The following VAT1L variants were observed in gnomAD, a reference collection of about 807,000 sequenced individuals.
VAT1L encodes the protein putative NADPH-dependent quinone oxidoreductase VAT1L.
In VAT1L, 34 loss-of-function variants were observed where a neutral mutation model predicts 44.1. That is an observed-to-expected ratio of 0.77 (90% CI 0.59 to 1.03). The LOEUF (loss-of-function observed/expected upper bound fraction) is 1.03. VAT1L is among the 50% of genes least tolerant of loss of function. The pLI is 0.00. For missense variants in VAT1L, 615 were observed against 538.8 expected (o/e 1.14, Z -1.40); for synonymous variants, 253 against 202.2 (o/e 1.25, Z -2.13).
chr16:77,837,312 A>T (rs950325359), intron 3 of VAT1L, among the ~76,000 whole-genome samples: 1 of 152,226 alleles, frequency 6.6e-6, no homozygotes, highest in Non-Finnish European at 1.5e-5. Context: ...AGCTACCTTG[A>T]TGTTAACTAT....
At chr16:77,955,271 C>G (rs2018089948) in intron 7 of VAT1L, among the ~76,000 whole-genome samples, 1 of 152,132 alleles carries the variant, frequency 6.6e-6, no homozygotes, top group South Asian at 2.1e-4. Context: ...TTGGCAATGC[C>G]TGGAAGCATT....
chr16:77,821,850 G>T (rs2016458406), intron 2 of VAT1L, among the ~76,000 whole-genome samples: 2 of 152,190 alleles, frequency 1.3e-5, no homozygotes. Flanking sequence ...GGTCGTCAGG[G>T]AAAGTTTTGG....
At chr16:77,923,982 A>T (rs1478272367) in intron 7 of VAT1L, among the ~76,000 whole-genome samples, 1 of 151,684 alleles carries the variant, frequency 6.6e-6, no homozygotes, top group Non-Finnish European at 1.5e-5. Context: ...AAGATGAGGA[A>T]ATCTATTTAT....
chr16:77,967,538 A>G (rs1400231352), intron 7 of VAT1L, among the ~76,000 whole-genome samples: 3 of 152,222 alleles, frequency 2.0e-5, no homozygotes, highest in African/African-American at 4.8e-5. Context: ...AGGTCAGGCT[A>G]CTTAAATGGC....
intron 7 of VAT1L, among the ~76,000 whole-genome samples, chr16:77,911,781 G>A (rs2017502195): frequency 6.6e-6 from 1 of 152,186 alleles, no homozygotes; most frequent in Non-Finnish European, 1.5e-5. Context: ...GGACTCCCCA[G>A]GGAGTGGGGT....
chr16:77,924,905 C>G (rs1005959379), intron 7 of VAT1L, among the ~76,000 whole-genome samples: 1 of 152,168 alleles, frequency 6.6e-6, no homozygotes, highest in Admixed American at 6.5e-5. Context: ...AGTCTCTGTA[C>G]CTTTTCATTT....
intron 7 of VAT1L, among the ~76,000 whole-genome samples, chr16:77,955,173 TGGAGCAATG>T (rs1340133685): frequency 6.6e-6 from 1 of 152,204 alleles, no homozygotes; most frequent in Non-Finnish European, 1.5e-5. Context: ...CAAGAGCCCA[TGGAGCAATG>T]GGAGGGGAGA....
At chr16:77,946,404 C>T (rs2017967139) in intron 7 of VAT1L, among the ~76,000 whole-genome samples, 2 of 151,502 alleles carry the variant, frequency 1.3e-5, no homozygotes, top group South Asian at 4.2e-4. Context: ...CTGCCTTAGA[C>T]TCCCGAGTAG....
chr16:77,903,435 G>A (rs1261499456), intron 7 of VAT1L, among the ~76,000 whole-genome samples: 2 of 152,140 alleles, frequency 1.3e-5, no homozygotes. Context: ...CTTAGTTTCT[G>A]AGGGTGAAAA....
At chr16:77,880,902 T>G (rs1322510480) in intron 6 of VAT1L, among the ~76,000 whole-genome samples, 1 of 152,188 alleles carries the variant, frequency 6.6e-6, no homozygotes, top group African/African-American at 2.4e-5. Context: ...TCCAGCTGCA[T>G]CCACGTTGCT....
intron 3 of VAT1L, among the ~76,000 whole-genome samples, chr16:77,853,463 G>C (rs2016826738): frequency 6.6e-6 from 1 of 152,136 alleles, no homozygotes; most frequent in Non-Finnish European, 1.5e-5. Context: ...GAATAGTCAG[G>C]CCACATCCAG....
chr16:77,795,226 C>T (rs1225508118), intron 1 of VAT1L, among the ~76,000 whole-genome samples: 1 of 150,044 alleles, frequency 6.7e-6, no homozygotes, highest in Admixed American at 6.7e-5. Context: ...AAATTAATAG[C>T]CACCAAAGAA....
chr16:77,789,710 C>A (rs146897218), intron 1 of VAT1L, among the ~76,000 whole-genome samples: 8 of 152,252 alleles, frequency 5.3e-5, no homozygotes, highest in Non-Finnish European at 1.2e-4. Flanking sequence ...AAACCCTGAT[C>A]AGTCTCCCCG....
intron 7 of VAT1L, among the ~76,000 whole-genome samples, chr16:77,923,218 A>C: frequency 6.6e-6 from 1 of 152,220 alleles, no homozygotes; most frequent in Admixed American, 6.5e-5. Flanking sequence ...TGAGAGGCCA[A>C]GGTGGGTGGA....
chr16:77,878,401 T>C (rs566154529), intron 5 of VAT1L, among the ~76,000 whole-genome samples: 24 of 152,290 alleles, frequency 1.6e-4, no homozygotes, highest in Non-Finnish European at 3.1e-4. Context: ...AGGAAAGTTG[T>C]TGAAAAAGCA....
chr16:77,962,773 AAG>A (rs2018177230), intron 7 of VAT1L, among the ~76,000 whole-genome samples: 2 of 151,678 alleles, frequency 1.3e-5, no homozygotes, highest in Admixed American at 1.3e-4. Flanking sequence ...GGAAGGAAGG[AAG>A]GAAAGAAAGA....
At chr16:77,835,782 A>G (rs140263029) in intron 3 of VAT1L, among the ~76,000 whole-genome samples, 22 of 152,114 alleles carry the variant, frequency 1.4e-4, no homozygotes, top group African/African-American at 5.1e-4. Context: ...CTGAGGCAAG[A>G]GAATCACTTG....
rs192587794 is a variant in VAT1L at position 77,971,719 on chromosome 16, C to T, written c.1078-131C>T. The stretch of plus-strand genomic sequence containing the variant: ...GTTGCACCCCAGCGTCCAACAGCAA[C>T]CTCTTAGCCACTAAACTTGAGCCGC... On this transcript the variant is annotated intron_variant, in intron 7 of 8. Coordinates refer to ENST00000302536, the MANE Select transcript of VAT1L (RefSeq NM_020927.3). 1.4e-5 allele frequency: 12 copies of T among 860,888 alleles called. No individual in the cohort carries two copies. The Admixed American group carries it at 2.0e-4, about 14-fold the overall frequency. The allele number at this position is 860,888 out of a possible 1,614,324, so 53.3% of individuals were successfully genotyped here. A position where few individuals can be genotyped will look rare whatever the true frequency, so the allele number is the denominator to read the frequency against.
chr16:77,878,311 T>A (rs1261508359), intron 5 of VAT1L, among the ~76,000 whole-genome samples: 1 of 152,218 alleles, frequency 6.6e-6, no homozygotes, highest in African/African-American at 2.4e-5. Flanking sequence ...CCAGGCTAAA[T>A]AGTGTAAAAT....
Sources: allele counts gnomAD v4.1 joint callset (sites outside exome capture counted in the v4.1 genomes callset), GRCh38; gene constraint gnomAD v4.1.1; transcripts MANE v1.5; gene names NCBI Gene and HGNC (gene_info 2026-07-23, HGNC 2026-07-21).